The following DYNC2H1 variants were observed in gnomAD, a reference collection of about 807,000 sequenced individuals.
DYNC2H1 encodes the protein dynein cytoplasmic 2 heavy chain 1.
In DYNC2H1, 410 loss-of-function variants were observed where a neutral mutation model predicts 570.0. The ratio of observed to expected loss-of-function variants is 0.72; its 90% CI spans 0.66 to 0.78. DYNC2H1 has a LOEUF of 0.78. Ranked by LOEUF, DYNC2H1 falls within the 30% of genes least tolerant of loss-of-function variation. The probability of loss-of-function intolerance (pLI) is 0.00; values close to 1 mark genes in which losing one functional copy is unlikely to be tolerated. For missense variants in DYNC2H1, 4,865 were observed against 5,046.4 expected (o/e 0.96, Z 1.09); for synonymous variants, 1,688 against 1,677.6 (o/e 1.01, Z -0.15).
chr11:103,396,508 T>C (rs1381678649), intron 83 of DYNC2H1, among the ~76,000 whole-genome samples: 2 of 152,188 alleles, frequency 1.3e-5, no homozygotes. Context: ...ATTGCTTGAG[T>C]GTACTCTGCT....
chr11:103,213,878 A>T (rs1863262343), intron 54 of DYNC2H1, among the ~76,000 whole-genome samples: 1 of 152,076 alleles, frequency 6.6e-6, no homozygotes, highest in Non-Finnish European at 1.5e-5. Context: ...TATGCTTTTG[A>T]GGTCTTAACC....
Position 103,316,607 on chromosome 11 carries a change from C to T in DYNC2H1, c.11712C>T (p.Asp3904=). ...SDLRAGYNII[D]RLFDGAKDVQ... ...TTCGGGCTGGGTACAACATTATTGACAGACTTTTTGATGGTAAGTTCTAAC... is the reference window on the plus strand; with the variant it reads ...TTCGGGCTGGGTACAACATTATTGATAGACTTTTTGATGGTAAGTTCTAAC... The change falls in exon 80 of 89, where the codon GAC becomes GAT. Residue 3904 remains aspartate, a synonymous_variant. Coordinates refer to ENST00000375735, the MANE Select transcript of DYNC2H1 (RefSeq NM_001377.3). 1.3e-6 allele frequency: 2 copies of T among 1,539,462 alleles called. No individual in the cohort carries two copies. Among genetic ancestry groups the T allele is most frequent in the Non-Finnish European group, 1.7e-6 (2 of 1,144,642 alleles).
Position 103,326,334 on chromosome 11 carries a change from A to G in DYNC2H1, c.12039+2344A>G, listed in dbSNP as rs989227564. On this transcript the variant is annotated intron_variant, in intron 82 of 88. Coordinates refer to ENST00000375735, the MANE Select transcript of DYNC2H1 (RefSeq NM_001377.3). The surrounding 1 kb of genome is among the most constrained non-coding windows in gnomAD (Gnocchi z 6.1). ...GCTCCTTCCCCGGGTTTCTTTTGCT[A>G]TGTGTTCGGGGTGGTTGGGCTCCCT... Among the ~76,000 whole-genome samples, 1 of 151,848 alleles carries G rather than the reference A, an allele frequency of 6.6e-6. No individual in the cohort carries two copies. Among genetic ancestry groups the G allele is most frequent in the African/African-American group, 2.4e-5 (1 of 41,342 alleles).
rs1176834387 is a variant in DYNC2H1, at chr11:103,157,112, A to G, written c.4127+342A>G. On this transcript the variant is annotated intron_variant, in intron 26 of 88. Transcript: ENST00000375735. The surrounding 1 kb of genome is among the most constrained non-coding windows in gnomAD (Gnocchi z 4.2). Reference sequence around the variant, plus strand: ...GAGTTGAGCATTTCTTCTTTCTTAGAAAGTCTCTTCCATTGGCTTCTGTGA... The same window carrying G: ...GAGTTGAGCATTTCTTCTTTCTTAGGAAGTCTCTTCCATTGGCTTCTGTGA... 1.3e-5 allele frequency among the ~76,000 whole-genome samples: 2 copies of G among 152,108 alleles called. No individual in the cohort carries two copies. Among genetic ancestry groups the G allele is most frequent in the Admixed American group, 6.6e-5 (1 of 15,266 alleles).
chr11:103,394,706 A>G (rs1188211411), intron 83 of DYNC2H1, among the ~76,000 whole-genome samples: 1 of 152,116 alleles, frequency 6.6e-6, no homozygotes. Flanking sequence ...GCTAATACAA[A>G]GGAGCTTTTG....
At chr11:103,198,146 T>G in intron 48 of DYNC2H1, 83 bp downstream of exon 48, 1 of 1,419,512 alleles carries the variant, frequency 7.0e-7, no homozygotes, top group Non-Finnish European at 9.5e-7. Flanking sequence ...TTAGAGGGCA[T>G]GAATATGATA....
At chr11:103,125,466 A>G (rs1858948632) in intron 12 of DYNC2H1, among the ~76,000 whole-genome samples, 171 bp downstream of exon 12, 1 of 150,956 alleles carries the variant, frequency 6.6e-6, no homozygotes, top group Non-Finnish European at 1.5e-5. Context: ...TGTAACCTAT[A>G]AGGAATTTAT....
chr11:103,158,115 T>G (rs1312313646), intron 26 of DYNC2H1, among the ~76,000 whole-genome samples: 1 of 152,246 alleles, frequency 6.6e-6, no homozygotes, highest in African/African-American at 2.4e-5. Context: ...TGTCTTTTGC[T>G]GTCACTGGAC....
chr11:103,360,267 C>A (rs558106896), intron 83 of DYNC2H1, among the ~76,000 whole-genome samples: 5 of 152,008 alleles, frequency 3.3e-5, no homozygotes, highest in Non-Finnish European at 7.4e-5. Context: ...ATTTTGAATT[C>A]TCTTCACTTA....
At position 103,121,310 on chromosome 11, in the gene DYNC2H1, G is replaced by C. The variant is rs1393103839; in HGVS notation, c.1361-62G>C. Reference sequence around the variant, plus strand: ...CATCTGACATAGTGCTTGGTACGTGGAAGTTATTTAGGAAATCTTTGCTAA... The same window carrying C: ...CATCTGACATAGTGCTTGGTACGTGCAAGTTATTTAGGAAATCTTTGCTAA... On this transcript the variant is annotated intron_variant, in intron 9 of 88. Transcript: ENST00000375735. The C allele has an allele frequency of 4.6e-6, 7 of 1,514,908 alleles. No homozygotes were observed. The African/African-American group carries it at 8.4e-5, about 18-fold the overall frequency. The allele number at this position is 1,514,908 out of a possible 1,614,324, so 93.8% of individuals were successfully genotyped here. A position where few individuals can be genotyped will look rare whatever the true frequency, so the allele number is the denominator to read the frequency against.
At chr11:103,263,591 C>G (rs1238490972) in intron 70 of DYNC2H1, among the ~76,000 whole-genome samples, 2 of 152,112 alleles carry the variant, frequency 1.3e-5, no homozygotes, top group East Asian at 3.8e-4. Context: ...GGAAACTGAA[C>G]AACCTGCTTC....
At chr11:103,247,776 A>C (rs1298622121) in intron 65 of DYNC2H1, among the ~76,000 whole-genome samples, 1 of 152,028 alleles carries the variant, frequency 6.6e-6, no homozygotes, top group African/African-American at 2.4e-5. Context: ...AAGTGAGCTC[A>C]TTGTACAGAA....
Position 103,453,615 on chromosome 11 carries a change from C to CATATATATATATAT in DYNC2H1, c.12457-1557_12457-1544dup, listed in dbSNP as rs66628059. Among the ~76,000 whole-genome samples, 335 of 136,562 alleles carry CATATATATATATAT rather than the reference C, an allele frequency of 2.5e-3. 8 individuals are homozygous for CATATATATATATAT. Among genetic ancestry groups the CATATATATATATAT allele is most frequent in the African/African-American group, 8.2e-3 (284 of 34,808 alleles). 89.6% of individuals were successfully genotyped at this position (136,562 alleles called of 152,430 possible). ...TGATTATCAGCCATGTTAGTTTAGA[C>CATATATATATATAT]ATATATATATATATATATATATATA... On this transcript the variant is annotated intron_variant, in intron 85 of 88. Transcript: ENST00000375735.
intron 47 of DYNC2H1, among the ~76,000 whole-genome samples, chr11:103,193,019 T>C (rs1394561044): frequency 6.6e-6 from 1 of 152,186 alleles, no homozygotes; most frequent in Non-Finnish European, 1.5e-5. Context: ...CACCAACATA[T>C]ACATTTAGTA....
rs1466639619 is a variant in DYNC2H1 at position 103,261,687 on chromosome 11, T to G, written c.10695+1710T>G. On this transcript the variant is annotated intron_variant, in intron 70 of 88. Coordinates refer to ENST00000375735, the MANE Select transcript of DYNC2H1 (RefSeq NM_001377.3). The surrounding 1 kb of genome is among the most constrained non-coding windows in gnomAD (Gnocchi z 4.8). ...AAAGGACATCTATACAAAAACCCCA[T>G]CCGAAGGTCACCAAGATCAAAGACC... Among the ~76,000 whole-genome samples the G allele has an allele frequency of 6.6e-6, 1 of 151,938 alleles. No homozygotes were observed. Among genetic ancestry groups the G allele is most frequent in the Admixed American group, 6.6e-5 (1 of 15,250 alleles).
intron 84 of DYNC2H1, among the ~76,000 whole-genome samples, chr11:103,411,221 AAGTTG>A (rs1423046654): frequency 6.6e-6 from 1 of 152,162 alleles, no homozygotes; most frequent in Non-Finnish European, 1.5e-5. Context: ...CAGTGGTTTA[AAGTTG>A]AGTTGGCAGA....
In DYNC2H1 at chr11:103,122,969, TC is replaced by T; in HGVS notation, c.1631del (p.Ser544Ter). 1 of 1,569,562 alleles carries T rather than the reference TC, an allele frequency of 6.4e-7. No homozygotes were observed. The highest frequency in any genetic ancestry group is 1.2e-5 in the South Asian group (1 of 82,532). On this transcript the variant is annotated frameshift_variant, in exon 11 of 89. Coordinates refer to ENST00000375735, the MANE Select transcript of DYNC2H1 (RefSeq NM_001377.3). LOFTEE classifies it high-confidence loss of function. ...QFDDWSRDIQ[S>X]GLSDSRSGLC... Reference sequence around the variant, plus strand: ...TGATGATTGGTCCAGGGATATTCAATCAGGTTTATCTGATTCCAGATCTGGT... The same window carrying T: ...TGATGATTGGTCCAGGGATATTCAATAGGTTTATCTGATTCCAGATCTGGT...
intron 77 of DYNC2H1, among the ~76,000 whole-genome samples, chr11:103,304,962 GA>G (rs1867217072): frequency 6.6e-6 from 1 of 152,134 alleles, no homozygotes; most frequent in African/African-American, 2.4e-5. Context: ...AATGAAGATT[GA>G]CAGGGAAGCT....
At position 103,205,744 on chromosome 11, in the gene DYNC2H1, C is replaced by T. The variant is rs541476298; in HGVS notation, c.8454+780C>T. ...TTTACATTCTTCTCAGGTATATCTGCGGGGAAAGCTTTCTAGGTGAAGATC... is the reference window on the plus strand; with the variant it reads ...TTTACATTCTTCTCAGGTATATCTGTGGGGAAAGCTTTCTAGGTGAAGATC... On this transcript the variant is annotated intron_variant, in intron 52 of 88. Transcript: ENST00000375735. The surrounding 1 kb of genome is among the most constrained non-coding windows in gnomAD (Gnocchi z 4.5). Among the ~76,000 whole-genome samples, 220 of 152,086 alleles carry T rather than the reference C, an allele frequency of 1.4e-3. No individual in the cohort carries two copies. Among genetic ancestry groups the T allele is most frequent in the Middle Eastern group, 0.01 (3 of 294 alleles).
Sources: gnomAD v4.1 joint callset for allele counts (sites outside exome capture counted in the v4.1 genomes callset) on GRCh38, gnomAD v4.1.1 for gene constraint, Gnocchi (gnomAD v3.1) non-coding constraint, MANE v1.5 for transcripts, NCBI Gene and HGNC (gene_info 2026-07-23, HGNC 2026-07-21) for gene names.